The following THSD7A variants were observed in gnomAD, a reference collection of about 807,000 sequenced individuals.
The protein encoded by THSD7A is thrombospondin type 1 domain containing 7A.
THSD7A carries 96 observed loss-of-function variants against 231.3 expected under a neutral mutation model. The observed-to-expected ratio is 0.41, with a 90% confidence interval of 0.35 to 0.49. THSD7A has a LOEUF of 0.49. Ranked by LOEUF, THSD7A falls within the 20% of genes least tolerant of loss-of-function variation. The pLI is 0.05. For synonymous variants in THSD7A, 940 were observed against 743.3 expected, an observed-to-expected ratio of 1.26 and a Z score of -4.30; for missense variants, 2,290 against 2,070.2, an observed-to-expected ratio of 1.11 and a Z score of -2.06.
chr7:11,777,457 A>G (rs779287263), intron 1 of THSD7A, among the ~76,000 whole-genome samples: 4 of 116,072 alleles, frequency 3.4e-5, no homozygotes, highest in Non-Finnish European at 7.5e-5. Context: ...ACACACACAC[A>G]CACTCTTTAA....
At chr7:11,584,684 A>G (rs1003133550) in intron 4 of THSD7A, among the ~76,000 whole-genome samples, 4 of 152,226 alleles carry the variant, frequency 2.6e-5, no homozygotes, top group Non-Finnish European at 5.9e-5. Flanking sequence ...TGAGAAGTTA[A>G]AAGACTTTTA....
intron 4 of THSD7A, among the ~76,000 whole-genome samples, chr7:11,575,992 T>A (rs1205015724): frequency 1.3e-5 from 2 of 152,216 alleles, no homozygotes; most frequent in African/African-American, 4.8e-5. Context: ...CATTTACAAC[T>A]GGTTTCTGTT....
rs118175804 is a variant in THSD7A at position 11,620,518 on chromosome 7, A to T, written c.1022+15612T>A. 4.9e-3 allele frequency among the ~76,000 whole-genome samples: 752 copies of T among 152,314 alleles called. 3 individuals carry two copies. The highest frequency in any genetic ancestry group is 0.014 in the Middle Eastern group (4 of 294). On this transcript the variant is annotated intron_variant, in intron 2 of 27. Coordinates refer to ENST00000423059, the MANE Select transcript of THSD7A (RefSeq NM_015204.3). Reference sequence around the variant, plus strand: ...TTATAATAGAGAAGACCAATGCAGAACAATGGGTATGGTTTCACAGGCTGT... The same window carrying T: ...TTATAATAGAGAAGACCAATGCAGATCAATGGGTATGGTTTCACAGGCTGT...
At chr7:11,791,691 T>C (rs956404158) in intron 1 of THSD7A, among the ~76,000 whole-genome samples, 18 of 151,892 alleles carry the variant, frequency 1.2e-4, no homozygotes, top group Admixed American at 6.6e-5. Context: ...GTTCTTTAAA[T>C]GTTAAATTTT....
At chr7:11,792,865 T>C (rs1413979626) in intron 1 of THSD7A, among the ~76,000 whole-genome samples, 2 of 151,822 alleles carry the variant, frequency 1.3e-5, no homozygotes, top group East Asian at 3.9e-4. Flanking sequence ...CATAAAGAAA[T>C]GGATGAAGTT....
chr7:11,832,077 A>G lies in THSD7A; in HGVS notation c.-131T>C, dbSNP rs1785215282. 5.1e-6 allele frequency: 3 copies of G among 586,110 alleles called. No homozygotes were observed. The highest frequency in any genetic ancestry group is 7.3e-6 in the Non-Finnish European group (3 of 412,444). The allele number at this position is 586,110 out of a possible 1,614,324, so 36.3% of individuals were successfully genotyped here. On this transcript the variant is annotated 5_prime_UTR_variant, in exon 1 of 28. Transcript: ENST00000423059. The stretch of plus-strand genomic sequence containing the variant: ...CCTGCTATTGTTCGCTTCAGATGAG[A>G]AGGAGGGAGAGCGCGTCTAACACCA...
At chr7:11,725,851 G>T (rs1781527687) in intron 1 of THSD7A, among the ~76,000 whole-genome samples, 1 of 151,854 alleles carries the variant, frequency 6.6e-6, no homozygotes, top group African/African-American at 2.4e-5. Flanking sequence ...ATTCTCAGTG[G>T]ATCTGTTTTT....
At chr7:11,508,762 A>T (rs1163402937) in intron 6 of THSD7A, among the ~76,000 whole-genome samples, 2 of 152,254 alleles carry the variant, frequency 1.3e-5, no homozygotes, top group African/African-American at 4.8e-5. Flanking sequence ...ATTCAGCCTT[A>T]AAAAAGCAGG....
At chr7:11,387,863 ATTATT>A (rs565153674) in intron 23 of THSD7A, among the ~76,000 whole-genome samples, 168 of 152,200 alleles carry the variant, frequency 1.1e-3, no homozygotes, top group African/African-American at 3.9e-3. Flanking sequence ...AATAGCTCTT[ATTATT>A]TTGAGATATG....
chr7:11,783,186 T>C (rs909158452), intron 1 of THSD7A, among the ~76,000 whole-genome samples: 1 of 152,164 alleles, frequency 6.6e-6, no homozygotes, highest in Non-Finnish European at 1.5e-5. Context: ...CATCTTAAGT[T>C]ACAAATATCA....
chr7:11,539,519 A>G (rs1019548717), intron 6 of THSD7A, among the ~76,000 whole-genome samples: 6 of 152,208 alleles, frequency 3.9e-5, no homozygotes, highest in Non-Finnish European at 7.3e-5. Context: ...TGAGTTATCA[A>G]TTTGCTTTTT....
chr7:11,693,992 A>G (rs1393471083), intron 1 of THSD7A, among the ~76,000 whole-genome samples: 2 of 151,566 alleles, frequency 1.3e-5, no homozygotes, highest in Non-Finnish European at 3.0e-5. Context: ...TTTTCCCAAC[A>G]ACTCAATAAT....
chr7:11,755,235 G>A (rs1782633483), intron 1 of THSD7A, among the ~76,000 whole-genome samples: 1 of 152,022 alleles, frequency 6.6e-6, no homozygotes, highest in African/African-American at 2.4e-5. Flanking sequence ...TGCCAAAATT[G>A]AGAAACCCTC....
chr7:11,415,018 C>T (rs116203124), intron 17 of THSD7A, among the ~76,000 whole-genome samples: 2,241 of 152,282 alleles, frequency 0.015, 66 homozygotes, highest in African/African-American at 0.051. Context: ...GCTAACGCTG[C>T]CTCCTTACAT....
intron 1 of THSD7A, among the ~76,000 whole-genome samples, chr7:11,807,188 A>T (rs1358619697): frequency 6.6e-6 from 1 of 152,122 alleles, no homozygotes; most frequent in Admixed American, 6.6e-5. Context: ...TCTCCACTGC[A>T]CGTGGTAATT....
At chr7:11,723,225 G>A (rs574924936) in intron 1 of THSD7A, among the ~76,000 whole-genome samples, 1 of 148,074 alleles carries the variant, frequency 6.8e-6, no homozygotes. Flanking sequence ...CTATCGCAAG[G>A]ACAAAAACCA....
chr7:11,565,719 C>T (rs914077910), intron 4 of THSD7A, among the ~76,000 whole-genome samples: 4 of 152,074 alleles, frequency 2.6e-5, no homozygotes, highest in Non-Finnish European at 5.9e-5. Context: ...GTTCTAGAAC[C>T]CCTAGACCAT....
rs7795417 is a variant in THSD7A, at chr7:11,831,085, G to A, written c.190+672C>T. 0.26 allele frequency among the ~76,000 whole-genome samples: 39,164 copies of A among 152,134 alleles called. 5,923 individuals carry two copies. The highest frequency in any genetic ancestry group is 0.38 in the South Asian group (1,821 of 4,812). ...GCATTTTGCCAATGGGTAATGATGGGCAGTTAGTAGCTGCTTTTGTTGGGT... is the reference window on the plus strand; with the variant it reads ...GCATTTTGCCAATGGGTAATGATGGACAGTTAGTAGCTGCTTTTGTTGGGT... On this transcript the variant is annotated intron_variant, in intron 1 of 27. Transcript: ENST00000423059. The surrounding 1 kb of genome is among the most constrained non-coding windows in gnomAD (Gnocchi z 5.0).
intron 4 of THSD7A, among the ~76,000 whole-genome samples, chr7:11,589,266 C>A (rs527676961): frequency 6.6e-6 from 1 of 152,250 alleles, no homozygotes; most frequent in South Asian, 2.1e-4. Flanking sequence ...CTTTCCTCCC[C>A]TCCCGTCTCT....
Sources: gnomAD v4.1 joint callset for allele counts (sites outside exome capture counted in the v4.1 genomes callset) on GRCh38, gnomAD v4.1.1 for gene constraint, Gnocchi (gnomAD v3.1) non-coding constraint, MANE v1.5 for transcripts, NCBI Gene and HGNC (gene_info 2026-07-23, HGNC 2026-07-21) for gene names.